The following DNAH10 variants were observed in gnomAD, a reference collection of about 807,000 sequenced individuals.
DNAH10 encodes axonemal beta dynein heavy chain 10.
In DNAH10, 348 loss-of-function variants were observed where a neutral mutation model predicts 506.6. The ratio of observed to expected loss-of-function variants is 0.69; its 90% CI spans 0.63 to 0.75. The LOEUF is 0.75. Ranked by LOEUF, DNAH10 falls within the 30% of genes least tolerant of loss-of-function variation. The pLI, the probability that DNAH10 is intolerant of heterozygous loss-of-function variation, is 0.00. For synonymous variants in DNAH10, 2,059 were observed against 2,198.6 expected, an observed-to-expected ratio of 0.94 and a Z score of 1.78; for missense variants, 5,179 against 5,787.1, an observed-to-expected ratio of 0.89 and a Z score of 3.41.
At position 123,845,548 on chromosome 12, in the gene DNAH10, G is replaced by A. The variant is rs187843167; in HGVS notation, c.5361-52G>A. ...TAAATTCCTGAAGGGACTGTTTTGG[G>A]TACCAGTCCCCGGATTGATCAGAGC... is the stretch of plus-strand genomic sequence containing the variant. On this transcript the variant is annotated intron_variant, in intron 30 of 78. Transcript: ENST00000673944. The A allele has an allele frequency of 7.7e-5, 122 of 1,593,290 alleles. No individual in the cohort carries two copies. The African/African-American group carries it at 1.4e-3, about 19-fold the overall frequency.
At chr12:123,776,821 A>G (rs1364585149) in intron 5 of DNAH10, among the ~76,000 whole-genome samples, 1 of 152,188 alleles carries the variant, frequency 6.6e-6, no homozygotes, top group African/African-American at 2.4e-5. Flanking sequence ...ATTTCATAGC[A>G]ATGAACAACT....
chr12:123,934,239 C>T (rs1006123932), intron 77 of DNAH10: 1 of 701,084 alleles, frequency 1.4e-6, no homozygotes. Context: ...CCAGCCACTT[C>T]GGCTCACAGG....
At chr12:123,770,974 C>CTTTTTTTTT (rs33920942) in intron 2 of DNAH10, among the ~76,000 whole-genome samples, 3 of 126,418 alleles carry the variant, frequency 2.4e-5, no homozygotes, top group African/African-American at 9.1e-5. Context: ...AGCTGTAATT[C>CTTTTTTTTT]TTTTTTTTTT....
intron 19 of DNAH10, among the ~76,000 whole-genome samples, chr12:123,810,405 A>G (rs1958885585): frequency 6.6e-6 from 1 of 152,238 alleles, no homozygotes; most frequent in Non-Finnish European, 1.5e-5. Flanking sequence ...GAATAAGGCC[A>G]GGCGCGGTGG....
chr12:123,819,098 A>T (rs773978070), intron 22 of DNAH10, 32 bp downstream of exon 22: 2 of 1,600,614 alleles, frequency 1.2e-6, no homozygotes, highest in African/African-American at 1.3e-5. Flanking sequence ...CTGAGTAAAG[A>T]CATTGAAAAA....
rs187873696 is a variant in DNAH10, at chr12:123,785,492, C to T, written c.1231-254C>T. The stretch of plus-strand genomic sequence containing the variant: ...ACAAAAATAAAAATAAAAAATTAGC[C>T]GGTGTAGTGGTGCATGCCTGTATTC... On this transcript the variant is annotated intron_variant, in intron 8 of 78. Transcript: ENST00000673944. The surrounding 1 kb of genome is among the most constrained non-coding windows in gnomAD (Gnocchi z 4.1). Among the ~76,000 whole-genome samples, 14 of 152,054 alleles carry T rather than the reference C, an allele frequency of 9.2e-5. No homozygotes were observed. Among genetic ancestry groups the T allele is most frequent in the African/African-American group, 2.2e-4 (9 of 41,488 alleles).
At chr12:123,809,675 C>CAACA (rs1958853436) in intron 19 of DNAH10, among the ~76,000 whole-genome samples, 4 of 152,030 alleles carry the variant, frequency 2.6e-5, no homozygotes, top group South Asian at 4.2e-4. Context: ...ACAACAACAA[C>CAACA]AACATATCAT....
At chr12:123,818,246 C>T (rs926539433) in intron 21 of DNAH10, among the ~76,000 whole-genome samples, 1 of 151,968 alleles carries the variant, frequency 6.6e-6, no homozygotes, top group Non-Finnish European at 1.5e-5. Flanking sequence ...TGCACCCAGC[C>T]TCTATCTCTT....
In DNAH10 at chr12:123,867,546, A is replaced by T; in HGVS notation, c.7247A>T (p.Asp2416Val). The T allele has an allele frequency of 1.2e-6, 2 of 1,614,000 alleles. No homozygotes were observed. Among genetic ancestry groups the T allele is most frequent in the Non-Finnish European group, 8.5e-7 (1 of 1,179,892 alleles). Residue 2416 changes from aspartate to valine, a missense_variant, in exon 42 of 79, where the codon GAT becomes GTT. Asp to Val is a radical substitution (Grantham distance 152). Coordinates refer to ENST00000673944, the MANE Select transcript of DNAH10 (RefSeq NM_001372106.1). ...GATGTGATAGTGGAAGGAATTGTGG[A>T]TGGAAGACAAGCAGAAAAGCTGAAG... ...LMDVIVEGIV[D>V]GRQAEKLKTI... is the part of the protein sequence containing the mutation.
Position 123,867,537 on chromosome 12 carries a change from G to A in DNAH10, c.7238G>A (p.Gly2413Glu). 6.2e-7 allele frequency: 1 copy of A among 1,613,974 alleles called. No individual in the cohort carries two copies. The highest frequency in any genetic ancestry group is 8.5e-7 in the Non-Finnish European group (1 of 1,179,880). ...VPYLMDVIVE[G>E]IVDGRQAEKL... ...TATCTCATGGATGTGATAGTGGAAGGAATTGTGGATGGAAGACAAGCAGAA... is the reference window on the plus strand; with the variant it reads ...TATCTCATGGATGTGATAGTGGAAGAAATTGTGGATGGAAGACAAGCAGAA... The change falls in exon 42 of 79, where the codon GGA (glycine) becomes GAA (glutamate). Residue 2413 changes from glycine to glutamate, a missense_variant. Physicochemically the swap from Gly to Glu is moderately conservative, Grantham distance 98 (BLOSUM62 -2). Coordinates refer to ENST00000673944, the MANE Select transcript of DNAH10 (RefSeq NM_001372106.1).
intron 16 of DNAH10, 42 bp from the exon 17 acceptor site, chr12:123,803,619 G>A (rs1479308119): frequency 6.8e-7 from 1 of 1,479,388 alleles, no homozygotes; most frequent in Admixed American, 2.8e-5. Context: ...TGGAAAGACA[G>A]AGTTGGAAGC....
intron 6 of DNAH10, among the ~76,000 whole-genome samples, chr12:123,782,411 CTTT>C (rs935250437): frequency 2.3e-5 from 2 of 86,044 alleles, no homozygotes; most frequent in African/African-American, 1.0e-4. Flanking sequence ...TTCTTTCTTT[CTTT>C]TTTTTTTTTT....
chr12:123,793,393 CA>C (rs34394694), intron 11 of DNAH10, among the ~76,000 whole-genome samples: 83,935 of 147,252 alleles, frequency 0.57, 24,402 homozygotes, highest in East Asian at 0.94. Flanking sequence ...GGCTGGAGTG[CA>C]GTGGCGCCAT....
chr12:123,905,536 GC>G (rs960457018), intron 57 of DNAH10, among the ~76,000 whole-genome samples: 1 of 152,100 alleles, frequency 6.6e-6, no homozygotes, highest in African/African-American at 2.4e-5. Context: ...AACAGGGGGC[GC>G]GATCACATGT....
Position 123,787,024 on chromosome 12 carries a change from A to C in DNAH10, c.1422-780A>C, listed in dbSNP as rs1957882194. 6.6e-6 allele frequency among the ~76,000 whole-genome samples: 1 copy of C among 152,144 alleles called. No individual in the cohort carries two copies. Among genetic ancestry groups the C allele is most frequent in the Non-Finnish European group, 1.5e-5 (1 of 68,032 alleles). On this transcript the variant is annotated intron_variant, in intron 9 of 78. Transcript: ENST00000673944. The surrounding 1 kb of genome is among the most constrained non-coding windows in gnomAD (Gnocchi z 4.6). ...TGTGGTGGTGGGCGCCTGTAATCCC[A>C]GCCACTCAGGAGGCTGAGGCAGGAG...
intron 56 of DNAH10, among the ~76,000 whole-genome samples, chr12:123,901,188 A>ACTGAGGTTC (rs1280417705): frequency 6.6e-6 from 1 of 151,968 alleles, no homozygotes; most frequent in Non-Finnish European, 1.5e-5. Flanking sequence ...TGCTCCCCAC[A>ACTGAGGTTC]CTGAGGTTCC....
Position 123,917,933 on chromosome 12 carries a change from C to T in DNAH10, c.11232+120C>T, listed in dbSNP as rs1301816926. 1.8e-6 allele frequency: 2 copies of T among 1,104,500 alleles called. No homozygotes were observed. The highest frequency in any genetic ancestry group is 2.6e-6 in the Non-Finnish European group (2 of 770,770). 68.4% of individuals were successfully genotyped at this position (1,104,500 alleles called of 1,614,324 possible). A position where few individuals can be genotyped will look rare whatever the true frequency, so the allele number is the denominator to read the frequency against. ...CTCTGTGATCTCAGGGCTAAAAACC[C>T]ACCTCTATTGGGATGTGCTGTGGGG... On this transcript the variant is annotated intron_variant, in intron 64 of 78. Transcript: ENST00000673944. This position sits in a 1 kb window ranked among gnomAD's most constrained non-coding sequence, Gnocchi z 5.6.
At position 123,902,472 on chromosome 12, in the gene DNAH10, C is replaced by T; in HGVS notation, c.9641-467C>T. Among the ~76,000 whole-genome samples, 1 of 152,202 alleles carries T rather than the reference C, an allele frequency of 6.6e-6. No homozygotes were observed. Among genetic ancestry groups the T allele is most frequent in the Non-Finnish European group, 1.5e-5 (1 of 68,012 alleles). Reference sequence around the variant, plus strand: ...TCCGATTGCGATTGGTGTCATGAAGCAAGTCAGCAAGGAAGGGAGAGAGAG... The same window carrying T: ...TCCGATTGCGATTGGTGTCATGAAGTAAGTCAGCAAGGAAGGGAGAGAGAG... On this transcript the variant is annotated intron_variant, in intron 56 of 78. Transcript: ENST00000673944. The surrounding 1 kb of genome is among the most constrained non-coding windows in gnomAD (Gnocchi z 4.5).
In DNAH10 at chr12:123,903,779, G is replaced by A. The variant is rs1953642981; in HGVS notation, c.9815+666G>A. Among the ~76,000 whole-genome samples the A allele has an allele frequency of 6.6e-6, 1 of 152,196 alleles. No homozygotes were observed. Among genetic ancestry groups the A allele is most frequent in the South Asian group, 2.1e-4 (1 of 4,830 alleles). ...GAGTCTTGTGAGTAAAGCCCTGGGAGGGAACACTGTCCTGGTGCCAGCCTC... is the reference window on the plus strand; with the variant it reads ...GAGTCTTGTGAGTAAAGCCCTGGGAAGGAACACTGTCCTGGTGCCAGCCTC... On this transcript the variant is annotated intron_variant, in intron 57 of 78. Transcript: ENST00000673944. This position sits in a 1 kb window ranked among gnomAD's most constrained non-coding sequence, Gnocchi z 4.6.
Sources: gnomAD v4.1 joint callset for allele counts (sites outside exome capture counted in the v4.1 genomes callset) on GRCh38, gnomAD v4.1.1 for gene constraint, Gnocchi (gnomAD v3.1) non-coding constraint, MANE v1.5 for transcripts, NCBI Gene and HGNC (gene_info 2026-07-23, HGNC 2026-07-21) for gene names.